Variants in RHBDD1 observed in about 807,000 individuals in gnomAD.
RHBDD1 encodes the protein rhomboid-related protein 4.
A neutral mutation model predicts 36.3 loss-of-function variants in RHBDD1; 38 were observed. The observed-to-expected ratio is 1.05, with a 90% CI of 0.81 to 1.37. RHBDD1 has a LOEUF of 1.37. Ranked by LOEUF, RHBDD1 falls within the 40% of genes most tolerant of loss-of-function variation. The pLI is 0.00. For missense variants in RHBDD1, 393 were observed against 377.6 expected (o/e 1.04, Z -0.34); for synonymous variants, 151 against 136.5 (o/e 1.11, Z -0.74).
chr2:226,801,319 G>C, the RHBDD1 span, among the ~76,000 whole-genome samples: 121 of 152,362 alleles, frequency 7.9e-4, no homozygotes, highest in Middle Eastern at 6.8e-3. Flanking sequence ...TTGCACTGCA[G>C]AGGGAAGGTG....
At chr2:226,904,603 TAGTC>T (rs1380040847) in intron 5 of RHBDD1, among the ~76,000 whole-genome samples, 1 of 152,210 alleles carries the variant, frequency 6.6e-6, no homozygotes, top group Non-Finnish European at 1.5e-5. Context: ...TAGTGTCATT[TAGTC>T]AGCTAATGGG....
chr2:226,862,825 G>A (rs115354216), intron 3 of RHBDD1, among the ~76,000 whole-genome samples: 1,612 of 152,334 alleles, frequency 0.011, 17 homozygotes, highest in Non-Finnish European at 0.014. Flanking sequence ...TTCCATTTGC[G>A]GTGAAAGGTG....
At chr2:226,826,340 G>A in the RHBDD1 span, among the ~76,000 whole-genome samples, 1 of 152,040 alleles carries the variant, frequency 6.6e-6, no homozygotes, top group Admixed American at 6.6e-5. Context: ...TCTCAGTTCC[G>A]TTAGATTAAT....
At chr2:226,961,038 C>T (rs947798562) in intron 8 of RHBDD1, among the ~76,000 whole-genome samples, 4 of 152,094 alleles carry the variant, frequency 2.6e-5, no homozygotes, top group East Asian at 3.8e-4. Context: ...ATATGTAAAG[C>T]GTAAAAAGGG....
chr2:226,967,627 C>T (rs1045576959), intron 8 of RHBDD1, among the ~76,000 whole-genome samples: 6 of 147,428 alleles, frequency 4.1e-5, no homozygotes, highest in African/African-American at 1.5e-4. Context: ...ATCCGTAATT[C>T]TACAACTCGT....
rs368839112 is a variant in RHBDD1 at position 226,917,757 on chromosome 2, A to G, written c.856+3406A>G. Among the ~76,000 whole-genome samples the G allele has an allele frequency of 6.6e-5, 10 of 152,254 alleles. No individual in the cohort carries two copies. In the East Asian group the frequency reaches 1.9e-3, roughly 29 times the overall value. On this transcript the variant is annotated intron_variant, in intron 8 of 8. Transcript: ENST00000392062. ...AACAGTCTCTTCTTTCCATTCATGA[A>G]AAATCACAAAAGTATGTAGAACTTG... is the stretch of plus-strand genomic sequence containing the variant.
chr2:226,950,741 C>A lies in RHBDD1; in HGVS notation c.856+36390C>A, dbSNP rs369071725. ...TAGCATTTCCCTGATATTTAGTGAG[C>A]ATTTTTCACATACCTGTTGGCCATT... On this transcript the variant is annotated intron_variant, in intron 8 of 8. Transcript: ENST00000392062. Among the ~76,000 whole-genome samples, 18 of 152,294 alleles carry A rather than the reference C, an allele frequency of 1.2e-4. No individual in the cohort carries two copies. In the South Asian group the frequency reaches 3.3e-3, roughly 28 times the overall value.
chr2:226,807,941 G>A, the RHBDD1 span, among the ~76,000 whole-genome samples: 10 of 152,136 alleles, frequency 6.6e-5, no homozygotes, highest in African/African-American at 2.4e-4. Context: ...CATGAACCAG[G>A]CAGGTAGAAA....
the RHBDD1 span, among the ~76,000 whole-genome samples, chr2:226,801,374 TA>T: frequency 6.6e-6 from 1 of 151,674 alleles, no homozygotes; most frequent in Admixed American, 6.6e-5. Flanking sequence ...CAAAGCGTAG[TA>T]AAAAAAGAAA....
rs986450218 is a variant in RHBDD1 at position 226,864,839 on chromosome 2, T to C, written c.146T>C (p.Leu49Pro). The change falls in exon 4 of 9, where the codon CTG becomes CCG. Residue 49 changes from leucine to proline, a missense_variant. Transcript: ENST00000392062. ...TTCTTCTTGAACCCTCAGAAGCCAC[T>C]GTATAGCTCCTGCCTTAGTGTGGAG... is the stretch of plus-strand genomic sequence containing the variant. The part of the protein sequence containing the change: ...IWFFLNPQKP[L>P]YSSCLSVEKC... 1 of 1,614,112 alleles carries C rather than the reference T, an allele frequency of 6.2e-7. No individual in the cohort carries two copies. The highest frequency in any genetic ancestry group is 8.5e-7 in the Non-Finnish European group (1 of 1,180,048).
Position 226,866,228 on chromosome 2 carries a change from T to C in RHBDD1, c.434-958T>C, listed in dbSNP as rs145933894. On this transcript the variant is annotated intron_variant, in intron 4 of 8. Coordinates refer to ENST00000392062, the MANE Select transcript of RHBDD1 (RefSeq NM_001167608.3). ...TGGGACTACAAGGCACGCACCACCA[T>C]GCCCAGCTAATTTTTGTATTTTTAG... is the stretch of plus-strand genomic sequence containing the variant. Among the ~76,000 whole-genome samples, 928 of 152,114 alleles carry C rather than the reference T, an allele frequency of 6.1e-3. 9 individuals carry two copies. The highest frequency in any genetic ancestry group is 0.021 in the African/African-American group (879 of 41,528).
the RHBDD1 span, among the ~76,000 whole-genome samples, chr2:226,808,142 G>T: frequency 5.3e-5 from 8 of 152,158 alleles, no homozygotes; most frequent in South Asian, 2.1e-4. Context: ...ATGGTCATTC[G>T]TAAAGATGGT....
chr2:226,854,947 G>T (rs753001091), intron 3 of RHBDD1, among the ~76,000 whole-genome samples: 22 of 152,126 alleles, frequency 1.4e-4, no homozygotes, highest in Non-Finnish European at 3.1e-4. Flanking sequence ...ATCTTTCAGT[G>T]TATAATACAT....
chr2:226,896,179 A>G (rs1947080355), intron 5 of RHBDD1, among the ~76,000 whole-genome samples: 1 of 152,228 alleles, frequency 6.6e-6, no homozygotes, highest in Non-Finnish European at 1.5e-5. Flanking sequence ...CGACCTAGTT[A>G]CCTTCTGATT....
At chr2:226,903,356 T>C (rs1202902999) in intron 5 of RHBDD1, among the ~76,000 whole-genome samples, 2 of 152,204 alleles carry the variant, frequency 1.3e-5, no homozygotes, top group Non-Finnish European at 2.9e-5. Context: ...TCACCCCGTC[T>C]CACCCAGGAC....
chr2:226,992,939 C>T (rs1332436641), intron 8 of RHBDD1, among the ~76,000 whole-genome samples: 1 of 152,140 alleles, frequency 6.6e-6, no homozygotes, highest in East Asian at 1.9e-4. Flanking sequence ...GGAGTGAAAG[C>T]TAAGTGGAGA....
At chr2:226,923,461 C>T (rs530108310) in intron 8 of RHBDD1, among the ~76,000 whole-genome samples, 41 of 152,080 alleles carry the variant, frequency 2.7e-4, no homozygotes, top group Non-Finnish European at 5.3e-4. Flanking sequence ...TTTTCCTTGA[C>T]TTTTGGGAGT....
chr2:226,846,945 A>G (rs955497573), intron 3 of RHBDD1, among the ~76,000 whole-genome samples: 1 of 152,182 alleles, frequency 6.6e-6, no homozygotes, highest in African/African-American at 2.4e-5. Context: ...ATTGCAGCTT[A>G]TGAATTTTTG....
chr2:226,949,315 C>T (rs1013259056), intron 8 of RHBDD1, among the ~76,000 whole-genome samples: 1 of 152,162 alleles, frequency 6.6e-6, no homozygotes, highest in Admixed American at 6.6e-5. Flanking sequence ...ATAGCCAAGA[C>T]AATCCTAAGC....
Sources: allele counts gnomAD v4.1 joint callset (sites outside exome capture counted in the v4.1 genomes callset), GRCh38; gene constraint gnomAD v4.1.1; transcripts MANE v1.5; gene names NCBI Gene and HGNC (gene_info 2026-07-23, HGNC 2026-07-21).